ZNF804B: variants seen among roughly 807,000 people sequenced by gnomAD.
ZNF804B encodes the protein zinc finger protein 804B, also known as zinc finger 804B.
Under a neutral mutation model 101.4 loss-of-function variants are expected in ZNF804B, and 80 were observed. The observed-to-expected ratio is 0.79, with a 90% CI of 0.66 to 0.95. The LOEUF (loss-of-function observed/expected upper bound fraction) is 0.95. Ranked by LOEUF, ZNF804B falls within the 40% of genes least tolerant of loss-of-function variation. ZNF804B has a pLI of 0.00. For missense variants in ZNF804B, 1,673 were observed against 1,561.9 expected (o/e 1.07, Z -1.20); for synonymous variants, 622 against 558.8 (o/e 1.11, Z -1.59).
chr7:88,794,877 A>G, intron 1 of ZNF804B: 1 of 1,612,454 alleles, frequency 6.2e-7, no homozygotes, highest in Non-Finnish European at 8.5e-7. Flanking sequence ...GGACTTGGAG[A>G]AAAAGAAGAG....
chr7:89,284,836 A>T (rs1436747359), intron 2 of ZNF804B, among the ~76,000 whole-genome samples: 1 of 152,100 alleles, frequency 6.6e-6, no homozygotes, highest in African/African-American at 2.4e-5. Context: ...TAAAAAAAAA[A>T]TCAAGATATC....
intron 1 of ZNF804B, among the ~76,000 whole-genome samples, chr7:89,090,880 T>C (rs1416240531): frequency 6.6e-6 from 1 of 151,832 alleles, no homozygotes; most frequent in East Asian, 1.9e-4. Flanking sequence ...AAAAAGCTAT[T>C]AATAAAGACT....
intron 1 of ZNF804B, among the ~76,000 whole-genome samples, chr7:88,791,961 G>A (rs1010273863): frequency 6.6e-6 from 1 of 152,046 alleles, no homozygotes. Context: ...CTGGGGTCTG[G>A]GGTCACCTGA....
chr7:89,042,034 T>C (rs749203949), intron 1 of ZNF804B, among the ~76,000 whole-genome samples: 2 of 152,178 alleles, frequency 1.3e-5, no homozygotes, highest in Non-Finnish European at 2.9e-5. Context: ...CAAAGTGTTA[T>C]AACAGATCAG....
chr7:89,337,493 C>T lies in ZNF804B; in HGVS notation c.*461C>T, dbSNP rs114912497. On this transcript the variant is annotated 3_prime_UTR_variant, in exon 4 of 4. Transcript: ENST00000333190. The stretch of plus-strand genomic sequence containing the variant: ...AGCAATTATTTAAAGTAATTTATGT[C>T]GTTAACTATTGACTAAGTTTTCAAT... Among the ~76,000 whole-genome samples the T allele has an allele frequency of 0.017, 2,548 of 152,082 alleles. 61 individuals are homozygous for T. Among genetic ancestry groups the T allele is most frequent in the African/African-American group, 0.059 (2,429 of 41,478 alleles).
chr7:88,880,884 G>C (rs573188884), intron 1 of ZNF804B, among the ~76,000 whole-genome samples: 7 of 152,076 alleles, frequency 4.6e-5, no homozygotes, highest in Non-Finnish European at 1.0e-4. Context: ...TTAATGGCTA[G>C]TGAACATTAT....
At chr7:88,989,492 C>T (rs769376443) in intron 1 of ZNF804B, among the ~76,000 whole-genome samples, 1 of 152,092 alleles carries the variant, frequency 6.6e-6, no homozygotes, top group Non-Finnish European at 1.5e-5. Flanking sequence ...CTATTTCTCT[C>T]AAGGAATAGC....
intron 1 of ZNF804B, among the ~76,000 whole-genome samples, chr7:88,944,919 T>G (rs767489000): frequency 5.1e-4 from 77 of 151,780 alleles, no homozygotes; most frequent in Non-Finnish European, 8.6e-4. Context: ...AATGTATATA[T>G]AAAACATAAA....
At position 89,285,522 on chromosome 7, in the gene ZNF804B, CAAAAAAAAAA is replaced by C. The variant is rs778078214; in HGVS notation, c.250-41805_250-41796del. On this transcript the variant is annotated intron_variant, in intron 2 of 3. Coordinates refer to ENST00000333190, the MANE Select transcript of ZNF804B (RefSeq NM_181646.5). ...TGGGCGAGAGAGCGAGACTCTGTCT[CAAAAAAAAAA>C]AAAAAAAAAAAAAAAAGAAGAAGAA... Among the ~76,000 whole-genome samples, 63 of 22,394 alleles carry C rather than the reference CAAAAAAAAAA, an allele frequency of 2.8e-3. 2 individuals are homozygous for C. Among genetic ancestry groups the C allele is most frequent in the Non-Finnish European group, 4.6e-3 (56 of 12,258 alleles). The allele number at this position is 22,394 out of a possible 152,430, so 14.7% of individuals were successfully genotyped here. A position where few individuals can be genotyped will look rare whatever the true frequency, so the allele number is the denominator to read the frequency against.
chr7:89,322,691 T>G (rs1478894032), intron 2 of ZNF804B, among the ~76,000 whole-genome samples: 6 of 152,106 alleles, frequency 3.9e-5, no homozygotes, highest in African/African-American at 1.4e-4. Context: ...GAAACAATCT[T>G]GAAAGAAACA....
At position 89,335,542 on chromosome 7, in the gene ZNF804B, T is replaced by G. The variant is rs1327717960; in HGVS notation, c.2560T>G (p.Leu854Val). 1.2e-6 allele frequency: 2 copies of G among 1,613,906 alleles called. No homozygotes were observed. Among genetic ancestry groups the G allele is most frequent in the East Asian group, 4.5e-5 (2 of 44,848 alleles). The change falls in exon 4 of 4, where the codon TTG (leucine) becomes GTG (valine). Residue 854 changes from leucine to valine, a missense_variant. Physicochemically the swap from Leu to Val is conservative, Grantham distance 32. Transcript: ENST00000333190. ...PNCQGTQHDR[L>V]DSYSIEKMYY... ...TTGCCAGGGAACTCAGCACGACAGA[T>G]TGGACTCTTACTCAATAGAGAAAAT...
chr7:89,323,643 G>T (rs1410455380), intron 2 of ZNF804B, among the ~76,000 whole-genome samples: 1 of 152,046 alleles, frequency 6.6e-6, no homozygotes, highest in African/African-American at 2.4e-5. Context: ...GCAAGGTATT[G>T]TTCTAATCTT....
intron 1 of ZNF804B, among the ~76,000 whole-genome samples, chr7:89,042,696 A>ACAT (rs1789034966): frequency 6.6e-6 from 1 of 152,214 alleles, no homozygotes; most frequent in Non-Finnish European, 1.5e-5. Flanking sequence ...AGGATTGGAT[A>ACAT]CGAATGTGTT....
At chr7:89,188,890 T>C (rs1375770555) in intron 1 of ZNF804B, among the ~76,000 whole-genome samples, 1 of 152,098 alleles carries the variant, frequency 6.6e-6, no homozygotes, top group Non-Finnish European at 1.5e-5. Context: ...CTCTATAACA[T>C]TAAAGTTACA....
At chr7:89,104,760 G>A (rs1182306618) in intron 1 of ZNF804B, among the ~76,000 whole-genome samples, 2 of 151,414 alleles carry the variant, frequency 1.3e-5, no homozygotes, top group East Asian at 3.9e-4. Context: ...CTCTTCTCTT[G>A]TTAATTAGCC....
intron 1 of ZNF804B, among the ~76,000 whole-genome samples, chr7:89,153,426 G>A (rs12537204): frequency 1.0e-4 from 9 of 89,414 alleles, no homozygotes; most frequent in Admixed American, 1.3e-4. Context: ...TGATGATGAT[G>A]ATGATAATAA....
chr7:89,285,321 G>C (rs2115881808), intron 2 of ZNF804B, among the ~76,000 whole-genome samples: 1 of 151,562 alleles, frequency 6.6e-6, no homozygotes, highest in South Asian at 2.1e-4. Flanking sequence ...AGGAGATCGA[G>C]ACCATCCTGA....
At chr7:89,079,551 T>C (rs1789664426) in intron 1 of ZNF804B, among the ~76,000 whole-genome samples, 1 of 152,044 alleles carries the variant, frequency 6.6e-6, no homozygotes, top group Non-Finnish European at 1.5e-5. Flanking sequence ...TTATGGGTGA[T>C]ATAGATACTG....
chr7:89,229,100 G>A (rs1236743322), intron 2 of ZNF804B, among the ~76,000 whole-genome samples: 3 of 152,212 alleles, frequency 2.0e-5, no homozygotes, highest in African/African-American at 4.8e-5. Flanking sequence ...GTTCCCGCCC[G>A]CGCCTCTCCC....
Sources: gnomAD v4.1 joint callset for allele counts (sites outside exome capture counted in the v4.1 genomes callset) on GRCh38, gnomAD v4.1.1 for gene constraint, MANE v1.5 for transcripts, NCBI Gene and HGNC (gene_info 2026-07-23, HGNC 2026-07-21) for gene names.